The following PNOC variants were observed in gnomAD, a reference collection of about 807,000 sequenced individuals.
PNOC encodes the protein prepronociceptin, also known as nociceptin.
In PNOC, 10 loss-of-function variants were observed where a neutral mutation model predicts 15.6. The ratio of observed to expected loss-of-function variants is 0.64; its 90% CI spans 0.40 to 1.09. PNOC has a LOEUF of 1.09. PNOC is among the 50% of genes least tolerant of loss of function. PNOC has a pLI of 0.01. For missense variants in PNOC, 220 were observed against 223.9 expected, an observed-to-expected ratio of 0.98 and a Z score of 0.11; for synonymous variants, 98 against 88.5, an observed-to-expected ratio of 1.11 and a Z score of -0.60.
chr8:28,331,366 C>A (rs895092414), intron 2 of PNOC, among the ~76,000 whole-genome samples: 29 of 152,168 alleles, frequency 1.9e-4, no homozygotes, highest in African/African-American at 6.5e-4. Flanking sequence ...GGAACACCAG[C>A]CCTCTCTCGG....
intron 2 of PNOC, among the ~76,000 whole-genome samples, chr8:28,332,164 C>A (rs1358495474): frequency 6.6e-6 from 1 of 152,210 alleles, no homozygotes; most frequent in African/African-American, 2.4e-5. Flanking sequence ...CTCGCTAACC[C>A]CCCGGAGGAT....
At chr8:28,325,855 C>T (rs981377242) in intron 1 of PNOC, among the ~76,000 whole-genome samples, 1 of 151,962 alleles carries the variant, frequency 6.6e-6, no homozygotes, top group Non-Finnish European at 1.5e-5. Context: ...TATAAGGTGA[C>T]ATCATCAGAT....
chr8:28,318,154 C>T (rs1401168861), intron 1 of PNOC, among the ~76,000 whole-genome samples: 1 of 152,128 alleles, frequency 6.6e-6, no homozygotes, highest in African/African-American at 2.4e-5. Context: ...TTTCTTCCTC[C>T]TCTCTTTGTG....
At chr8:28,334,646 C>T (rs351777) in intron 2 of PNOC, among the ~76,000 whole-genome samples, 49,563 of 151,914 alleles carry the variant, frequency 0.33, 9,954 homozygotes, top group Non-Finnish European at 0.46. Context: ...AGGCATGCAC[C>T]ACCACACCCC....
rs372798886 is a variant in PNOC, at chr8:28,339,024, A to T, written c.127-16A>T. The T allele has an allele frequency of 5.8e-5, 90 of 1,564,110 alleles. No individual in the cohort carries two copies. The African/African-American group carries it at 1.0e-3, about 18-fold the overall frequency. On this transcript the variant is annotated splice_polypyrimidine_tract_variant and intron_variant, in intron 2 of 3. Transcript: ENST00000301908. ...TCCTTGTTCCTTCTCCCCTCCTCTC[A>T]CCCGTATCTTTGCAGGTGTGCATCC...
At chr8:28,320,877 A>T (rs1328170375) in intron 1 of PNOC, among the ~76,000 whole-genome samples, 1 of 151,750 alleles carries the variant, frequency 6.6e-6, no homozygotes, top group Non-Finnish European at 1.5e-5. Flanking sequence ...AAGAAGAAGA[A>T]GTTTGAAGAT....
At chr8:28,323,268 G>A (rs1344134791) in intron 1 of PNOC, among the ~76,000 whole-genome samples, 1 of 152,174 alleles carries the variant, frequency 6.6e-6, no homozygotes, top group Non-Finnish European at 1.5e-5. Flanking sequence ...CAAAAGAAAA[G>A]GCAATTCAAC....
At chr8:28,319,821 G>T (rs1212573683) in intron 1 of PNOC, among the ~76,000 whole-genome samples, 1 of 152,182 alleles carries the variant, frequency 6.6e-6, no homozygotes, top group African/African-American at 2.4e-5. Flanking sequence ...CAGAAAACGG[G>T]AGCCGTCCTG....
chr8:28,323,391 T>C (rs544806342), intron 1 of PNOC, among the ~76,000 whole-genome samples: 3 of 152,328 alleles, frequency 2.0e-5, no homozygotes, highest in South Asian at 2.1e-4. Flanking sequence ...CCTACTCAGG[T>C]AACTTTTGAT....
At chr8:28,340,723 G>C (rs1277351754) in intron 3 of PNOC, among the ~76,000 whole-genome samples, 5 of 152,174 alleles carry the variant, frequency 3.3e-5, no homozygotes, top group Non-Finnish European at 7.3e-5. Context: ...TGAGGCCCTC[G>C]GGGAGCTTTT....
intron 2 of PNOC, among the ~76,000 whole-genome samples, chr8:28,331,535 GA>G (rs1022253489): frequency 9.9e-5 from 15 of 152,126 alleles, no homozygotes; most frequent in Non-Finnish European, 1.9e-4. Flanking sequence ...CCAGGCTGCA[GA>G]AAACTCCTAG....
At chr8:28,339,639 T>G in intron 3 of PNOC, 148 bp downstream of exon 3, 1 of 562,010 alleles carries the variant, frequency 1.8e-6, no homozygotes, top group Non-Finnish European at 2.8e-6. Flanking sequence ...AGCCCACCCT[T>G]TCTCTAGGCA....
intron 1 of PNOC, among the ~76,000 whole-genome samples, chr8:28,321,429 T>C (rs192896256): frequency 5.1e-4 from 77 of 152,226 alleles, no homozygotes; most frequent in Admixed American, 4.8e-3. Flanking sequence ...GAGAGCTACC[T>C]TCCCACCTGC....
At chr8:28,338,178 C>T (rs1417323170) in intron 2 of PNOC, among the ~76,000 whole-genome samples, 1 of 152,034 alleles carries the variant, frequency 6.6e-6, no homozygotes, top group Non-Finnish European at 1.5e-5. Context: ...GAAGCCAAAA[C>T]AGCAAATAGG....
intron 1 of PNOC, 42 bp from the exon 2 acceptor site, chr8:28,329,093 G>C: frequency 1.3e-6 from 2 of 1,596,848 alleles, no homozygotes; most frequent in African/African-American, 1.3e-5. Context: ...GCAGCCCTCC[G>C]AGAATGGCTG....
Position 28,339,036 on chromosome 8 carries a change from G to C in PNOC, c.127-4G>C, listed in dbSNP as rs1344235159. 2.5e-6 allele frequency: 4 copies of C among 1,576,114 alleles called. No homozygotes were observed. Among genetic ancestry groups the C allele is most frequent in the Non-Finnish European group, 3.5e-6 (4 of 1,152,674 alleles). On this transcript the variant is annotated splice_region_variant and splice_polypyrimidine_tract_variant and intron_variant, in intron 2 of 3. Transcript: ENST00000301908. ...CTCCCCTCCTCTCACCCGTATCTTT[G>C]CAGGTGTGCATCCTCGAGTGTGAAG... is the stretch of plus-strand genomic sequence containing the variant.
At chr8:28,326,001 G>A (rs1037112276) in intron 1 of PNOC, among the ~76,000 whole-genome samples, 8 of 152,056 alleles carry the variant, frequency 5.3e-5, no homozygotes, top group African/African-American at 1.2e-4. Flanking sequence ...ATGCATTTGC[G>A]ATACAGTCAT....
At chr8:28,340,964 A>T (rs1801508535) in intron 3 of PNOC, among the ~76,000 whole-genome samples, 1 of 152,264 alleles carries the variant, frequency 6.6e-6, no homozygotes, top group Admixed American at 6.5e-5. Context: ...AAGAGGACAA[A>T]CTTCTAAACT....
At chr8:28,336,521 A>G (rs1368261593) in intron 2 of PNOC, among the ~76,000 whole-genome samples, 1 of 152,140 alleles carries the variant, frequency 6.6e-6, no homozygotes, top group African/African-American at 2.4e-5. Flanking sequence ...TGCGGTGTTT[A>G]AGGCACTAGG....
Sources: allele counts gnomAD v4.1 joint callset (sites outside exome capture counted in the v4.1 genomes callset), GRCh38; gene constraint gnomAD v4.1.1; transcripts MANE v1.5; gene names NCBI Gene and HGNC (gene_info 2026-07-23, HGNC 2026-07-21).